Variants in ASS1 observed in about 807,000 individuals in gnomAD.
The protein encoded by ASS1 is argininosuccinate synthase 1.
Under a neutral mutation model 60.5 loss-of-function variants are expected in ASS1, and 58 were observed. The ratio of observed to expected loss-of-function variants is 0.96; its 90% CI spans 0.78 to 1.19. The LOEUF (loss-of-function observed/expected upper bound fraction) is 1.19. Among genes scored for constraint, ASS1 ranks in the 50% most tolerant of loss-of-function variants. The pLI, the probability that ASS1 is intolerant of heterozygous loss-of-function variation, is 0.00. For missense variants in ASS1, 454 were observed against 547.3 expected (o/e 0.83, Z 1.70); for synonymous variants, 200 against 206.9 (o/e 0.97, Z 0.29).
intron 8 of ASS1, among the ~76,000 whole-genome samples, chr9:130,472,522 C>T (rs560759686): frequency 1.6e-4 from 24 of 152,240 alleles, no homozygotes; most frequent in Middle Eastern, 3.4e-3. Flanking sequence ...AACTGAGGCC[C>T]GGGCACCGGC....
rs539361944 is a variant in ASS1 at position 130,459,720 on chromosome 9, C to G, written c.363+1131C>G. 6.6e-6 allele frequency among the ~76,000 whole-genome samples: 1 copy of G among 152,352 alleles called. No individual in the cohort carries two copies. Among genetic ancestry groups the G allele is most frequent in the East Asian group, 1.9e-4 (1 of 5,178 alleles). ...AAAGCACTGGGATTACAGGCGTGGGCCACCATGCCCAGCCTTAACTTGGTT... is the reference window on the plus strand; with the variant it reads ...AAAGCACTGGGATTACAGGCGTGGGGCACCATGCCCAGCCTTAACTTGGTT... On this transcript the variant is annotated intron_variant, in intron 4 of 14. Coordinates refer to ENST00000352480, the MANE Select transcript of ASS1 (RefSeq NM_054012.4). The surrounding 1 kb of genome is among the most constrained non-coding windows in gnomAD (Gnocchi z 4.6).
At chr9:130,472,442 C>CG (rs1327047390) in intron 8 of ASS1, among the ~76,000 whole-genome samples, 2 of 152,112 alleles carry the variant, frequency 1.3e-5, no homozygotes, top group Non-Finnish European at 2.9e-5. Context: ...GGGAGCGGGC[C>CG]GGGGGTGGCA....
rs929942410 is a variant in ASS1 at position 130,494,643 on chromosome 9, C to T, written c.971-224C>T. Among the ~76,000 whole-genome samples the T allele has an allele frequency of 1.3e-5, 2 of 152,232 alleles. No homozygotes were observed. Among genetic ancestry groups the T allele is most frequent in the African/African-American group, 2.4e-5 (1 of 41,458 alleles). ...CCCTTAGGGAAATGACCTAGGTGGT[C>T]ACCTCCTTACCCACAGGCCCTTTGC... On this transcript the variant is annotated intron_variant, in intron 12 of 14. Coordinates refer to ENST00000352480, the MANE Select transcript of ASS1 (RefSeq NM_054012.4). The surrounding 1 kb of genome is among the most constrained non-coding windows in gnomAD (Gnocchi z 4.3).
intron 5 of ASS1, among the ~76,000 whole-genome samples, chr9:130,465,056 A>ATATATATATATATTTTTTTTTTTT (rs1479147331): frequency 1.7e-5 from 2 of 120,148 alleles, no homozygotes; most frequent in African/African-American, 7.2e-5. Context: ...ATATATATAT[A>ATATATATATATATTTTTTTTTTTT]TTTTTTTTTT....
upstream of ASS1, chr9:130,444,942 G>A (rs912742532): frequency 1.3e-5 from 2 of 155,200 alleles, no homozygotes; most frequent in Admixed American, 1.3e-4. The surrounding 1 kb of genome is among the most constrained non-coding windows in gnomAD (Gnocchi z 4.7). Flanking sequence ...TATAACCTGG[G>A]ATGGGCACCC....
Position 130,454,393 on chromosome 9 carries a change from G to A in ASS1, c.174+20G>A. On this transcript the variant is annotated intron_variant, in intron 3 of 14. Coordinates refer to ENST00000352480, the MANE Select transcript of ASS1 (RefSeq NM_054012.4). ...AAAAAGGTACCAGGCGGGAGGCAGG[G>A]ATTTGGGCTGGGAGTGGGGCGGTGA... 6.2e-7 allele frequency: 1 copy of A among 1,611,870 alleles called. No individual in the cohort carries two copies. The highest frequency in any genetic ancestry group is 1.1e-5 in the South Asian group (1 of 90,676).
At position 130,471,617 on chromosome 9, in the gene ASS1, CG is replaced by C. The variant is rs1333723551; in HGVS notation, c.597+107del. ...ATTTATAGCCTAATTTGAAATTTCA[CG>C]GGGGCCAGCCGTGGGGCTGGGGCCG... On this transcript the variant is annotated intron_variant, in intron 8 of 14. Transcript: ENST00000352480. The C allele has an allele frequency of 6.3e-6, 9 of 1,432,534 alleles. No homozygotes were observed. The African/African-American group carries it at 1.1e-4, about 18-fold the overall frequency. 88.7% of individuals were successfully genotyped at this position (1,432,534 alleles called of 1,614,324 possible). A position where few individuals can be genotyped will look rare whatever the true frequency, so the allele number is the denominator to read the frequency against.
chr9:130,492,708 T>A (rs773405698), intron 12 of ASS1, among the ~76,000 whole-genome samples: 1 of 152,216 alleles, frequency 6.6e-6, no homozygotes, highest in Admixed American at 6.5e-5. Context: ...ATGGGTATAA[T>A]GTGCAACTCA....
rs190704512 is a variant in ASS1, at chr9:130,477,381, C to T, written c.688+420C>T. Among the ~76,000 whole-genome samples, 34 of 152,314 alleles carry T rather than the reference C, an allele frequency of 2.2e-4. No homozygotes were observed. The East Asian group carries it at 2.3e-3, about 10-fold the overall frequency. ...CTGACCCCGGAAGGTGCTCAGTAAA[C>T]GGTGAGTGTTGGCGAGCTGGCCTCA... On this transcript the variant is annotated intron_variant, in intron 9 of 14. Coordinates refer to ENST00000352480, the MANE Select transcript of ASS1 (RefSeq NM_054012.4). This position sits in a 1 kb window ranked among gnomAD's most constrained non-coding sequence, Gnocchi z 4.2.
intron 1 of ASS1, chr9:130,451,919 C>T: frequency 1.8e-6 from 1 of 555,540 alleles, no homozygotes; most frequent in South Asian, 1.5e-5. Context: ...TGCTCAGCCT[C>T]AGCCGCCTTC....
At chr9:130,472,387 CT>C (rs1443773966) in intron 8 of ASS1, among the ~76,000 whole-genome samples, 5 of 152,282 alleles carry the variant, frequency 3.3e-5, no homozygotes, top group African/African-American at 9.6e-5. Flanking sequence ...GTGCCGCCCC[CT>C]GGTCGGTGTT....
Position 130,476,988 on chromosome 9 carries a change from A to C in ASS1, c.688+27A>C. The C allele has an allele frequency of 6.2e-7, 1 of 1,604,938 alleles. No homozygotes were observed. Among genetic ancestry groups the C allele is most frequent in the Non-Finnish European group, 8.5e-7 (1 of 1,171,772 alleles). ...TATGTGCCCACCTGTTGGGACTCGAAGGGGGTTGACTTTTGGGGCCCTGGC... is the reference window on the plus strand; with the variant it reads ...TATGTGCCCACCTGTTGGGACTCGACGGGGGTTGACTTTTGGGGCCCTGGC... On this transcript the variant is annotated intron_variant, in intron 9 of 14. Coordinates refer to ENST00000352480, the MANE Select transcript of ASS1 (RefSeq NM_054012.4). The surrounding 1 kb of genome is among the most constrained non-coding windows in gnomAD (Gnocchi z 4.9).
intron 4 of ASS1, among the ~76,000 whole-genome samples, chr9:130,461,608 A>C (rs1845596295): frequency 6.6e-6 from 1 of 152,350 alleles, no homozygotes; most frequent in South Asian, 2.1e-4. Context: ...TGGGGTTGAC[A>C]GGCAAGGCGT....
chr9:130,457,604 C>T (rs952966748), intron 3 of ASS1, among the ~76,000 whole-genome samples: 1 of 152,146 alleles, frequency 6.6e-6, no homozygotes, highest in Non-Finnish European at 1.5e-5. Flanking sequence ...TGTGGCTGGC[C>T]GTCCTGTGCA....
chr9:130,461,392 G>C (rs1845590029), intron 4 of ASS1, among the ~76,000 whole-genome samples: 2 of 152,084 alleles, frequency 1.3e-5, no homozygotes, highest in Non-Finnish European at 2.9e-5. Flanking sequence ...GCCGACAAAG[G>C]CGGGAGGAGG....
intron 8 of ASS1, among the ~76,000 whole-genome samples, chr9:130,474,814 C>T (rs938527038): frequency 6.6e-6 from 1 of 152,224 alleles, no homozygotes; most frequent in Non-Finnish European, 1.5e-5. Flanking sequence ...TGTTTAGCTT[C>T]CAAAGCATGG....
intron 13 of ASS1, among the ~76,000 whole-genome samples, chr9:130,496,272 T>A (rs569170677): frequency 6.6e-6 from 1 of 151,406 alleles, no homozygotes; most frequent in South Asian, 2.1e-4. Context: ...AATAAAAAAA[T>A]TAGCTAAGCG....
intron 3 of ASS1, among the ~76,000 whole-genome samples, chr9:130,456,069 T>G (rs1845443251): frequency 6.6e-6 from 1 of 152,242 alleles, no homozygotes; most frequent in Admixed American, 6.5e-5. Context: ...CGGCTTCAGC[T>G]TTTGTCCTTT....
chr9:130,477,584 G>A lies in ASS1; in HGVS notation c.688+623G>A, dbSNP rs1846052551. 6.6e-6 allele frequency among the ~76,000 whole-genome samples: 1 copy of A among 152,238 alleles called. No individual in the cohort carries two copies. Among genetic ancestry groups the A allele is most frequent in the African/African-American group, 2.4e-5 (1 of 41,472 alleles). ...TCAACAAGAAGCGTTTGCTGACCTG[G>A]CCTGAGTGCCTGGGTGCCTGAGCTT... On this transcript the variant is annotated intron_variant, in intron 9 of 14. Transcript: ENST00000352480. This position sits in a 1 kb window ranked among gnomAD's most constrained non-coding sequence, Gnocchi z 4.2.
Sources: allele counts gnomAD v4.1 joint callset (sites outside exome capture counted in the v4.1 genomes callset), GRCh38; gene constraint gnomAD v4.1.1; non-coding constraint Gnocchi (gnomAD v3.1); transcripts MANE v1.5; gene names NCBI Gene and HGNC (gene_info 2026-07-23, HGNC 2026-07-21).